The following MTCH1 variants were observed in gnomAD, a reference collection of about 807,000 sequenced individuals.
MTCH1 encodes the protein mitochondrial carrier 1.
In MTCH1, 23 loss-of-function variants were observed where a neutral mutation model predicts 49.3. That is an observed-to-expected ratio of 0.47 (90% CI 0.34 to 0.66). MTCH1 has a LOEUF of 0.66. Ranked by LOEUF, MTCH1 falls within the 30% of genes least tolerant of loss-of-function variation. MTCH1 has a pLI of 0.01. For synonymous variants in MTCH1, 229 were observed against 215.2 expected (o/e 1.06, Z -0.56); for missense variants, 397 against 532.1 (o/e 0.75, Z 2.50).
intron 1 of MTCH1, 115 bp downstream of exon 1, chr6:36,985,738 C>G: frequency 4.2e-6 from 2 of 480,334 alleles, no homozygotes; most frequent in East Asian, 1.1e-4. Context: ...AACCCGCCGT[C>G]CCCACCCCTC....
chr6:36,969,262 T>C, intron 11 of MTCH1: 4 of 985,398 alleles, frequency 4.1e-6, no homozygotes, highest in Non-Finnish European at 4.8e-6. Context: ...TAGGACTCTT[T>C]CAGTGCTCAT....
chr6:36,978,025 AATC>A, intron 4 of MTCH1, 50 bp downstream of exon 4: 1 of 1,491,740 alleles, frequency 6.7e-7, no homozygotes, highest in African/African-American at 1.4e-5. Context: ...GGGGGTGAGA[AATC>A]ATCAGGCTCC....
At chr6:36,969,768 T>C (rs1763605695) in intron 11 of MTCH1, 3 of 1,347,004 alleles carry the variant, frequency 2.2e-6, no homozygotes, top group Admixed American at 5.6e-5. Context: ...AGTTCTCTTA[T>C]CCTTATCCTA....
chr6:36,969,779 A>T (rs770039789), intron 11 of MTCH1: 119 of 1,383,146 alleles, frequency 8.6e-5, no homozygotes, highest in Non-Finnish European at 1.1e-4. Context: ...CCTTATCCTA[A>T]GAGTCTTTAA....
chr6:36,985,085 C>T (rs1298567784), intron 1 of MTCH1, among the ~76,000 whole-genome samples: 1 of 150,352 alleles, frequency 6.7e-6, no homozygotes, highest in Non-Finnish European at 1.5e-5. Context: ...TCCCCTCCCC[C>T]CATACGCGTC....
At chr6:36,984,759 C>T (rs770462102) in intron 1 of MTCH1, among the ~76,000 whole-genome samples, 1 of 152,126 alleles carries the variant, frequency 6.6e-6, no homozygotes, top group Non-Finnish European at 1.5e-5. Flanking sequence ...CATTGCTGGC[C>T]ACCACCAAAT....
chr6:36,971,083 A>G (rs1174284673), intron 8 of MTCH1, among the ~76,000 whole-genome samples: 2 of 152,200 alleles, frequency 1.3e-5, no homozygotes, highest in African/African-American at 4.8e-5. Flanking sequence ...GGGCAAGTCC[A>G]GGCTTATCGC....
chr6:36,981,107 G>A (rs974539354), intron 2 of MTCH1, among the ~76,000 whole-genome samples: 3 of 152,200 alleles, frequency 2.0e-5, no homozygotes, highest in Non-Finnish European at 4.4e-5. Context: ...GGAGACACCA[G>A]AGTGAGTGAG....
intron 3 of MTCH1, 70 bp from the exon 4 acceptor site, chr6:36,978,225 G>C (rs951957492): frequency 3.7e-6 from 5 of 1,360,762 alleles, no homozygotes; most frequent in Non-Finnish European, 4.2e-6. Flanking sequence ...GGACTTGGGC[G>C]GCAGGAACCA....
chr6:36,969,985 C>G, intron 11 of MTCH1, 54 bp downstream of exon 11: 2 of 1,602,892 alleles, frequency 1.2e-6, no homozygotes, highest in South Asian at 1.1e-5. Flanking sequence ...ACCATTTCAG[C>G]TGAAGGATGT....
chr6:36,976,251 G>A (rs925323910), intron 6 of MTCH1, among the ~76,000 whole-genome samples: 8 of 152,142 alleles, frequency 5.3e-5, no homozygotes, highest in Admixed American at 2.6e-4. Context: ...GCAGGGAGCC[G>A]GGGACTCATG....
intron 2 of MTCH1, among the ~76,000 whole-genome samples, chr6:36,980,471 C>T (rs997700111): frequency 2.0e-5 from 3 of 152,262 alleles, no homozygotes; most frequent in Non-Finnish European, 4.4e-5. Context: ...TGTCATTCCC[C>T]TCTCCACTAC....
chr6:36,971,123 T>G (rs75367072), intron 8 of MTCH1, among the ~76,000 whole-genome samples: 11,650 of 152,174 alleles, frequency 0.077, 539 homozygotes, highest in Middle Eastern at 0.21. Flanking sequence ...TTTTCCCCCT[T>G]CAGACCCCAA....
At chr6:36,978,484 C>G (rs781113570) in intron 3 of MTCH1, 21 bp downstream of exon 3, 1 of 1,611,462 alleles carries the variant, frequency 6.2e-7, no homozygotes, top group African/African-American at 1.3e-5. Context: ...GGCGACTGTT[C>G]CTGGCTTTGT....
chr6:36,983,265 T>G (rs1442758256), intron 1 of MTCH1, among the ~76,000 whole-genome samples: 1 of 152,226 alleles, frequency 6.6e-6, no homozygotes, highest in Non-Finnish European at 1.5e-5. Flanking sequence ...CCTTTTCCCT[T>G]CTGGGTTAAA....
intron 7 of MTCH1, among the ~76,000 whole-genome samples, chr6:36,974,876 C>T (rs868868885): frequency 3.9e-5 from 6 of 152,146 alleles, no homozygotes; most frequent in East Asian, 1.9e-4. Context: ...GTGTCTACCA[C>T]GTTTGTGACA....
intron 1 of MTCH1, 106 bp downstream of exon 1, chr6:36,985,747 T>A: frequency 1.2e-3 from 147 of 118,174 alleles, no homozygotes; most frequent in African/African-American, 2.5e-3. Flanking sequence ...TCCCCACCCC[T>A]CTCCCCAAAT....
intron 11 of MTCH1, chr6:36,969,309 C>T (rs1306678142): frequency 2.6e-5 from 26 of 985,328 alleles, no homozygotes; most frequent in Non-Finnish European, 3.1e-5. Flanking sequence ...ACCAGGGCCA[C>T]TGGGAAGAAC....
intron 11 of MTCH1, chr6:36,969,473 C>T (rs1216653924): frequency 2.0e-5 from 22 of 1,081,852 alleles, no homozygotes; most frequent in Non-Finnish European, 2.4e-5. Context: ...AAAGCCTGGA[C>T]CCCTGACTGC....
Sources: gnomAD v4.1 joint callset for allele counts (sites outside exome capture counted in the v4.1 genomes callset) on GRCh38, gnomAD v4.1.1 for gene constraint, MANE v1.5 for transcripts, NCBI Gene and HGNC (gene_info 2026-07-23, HGNC 2026-07-21) for gene names.